SNTG1: variants seen among roughly 807,000 people sequenced by gnomAD.
The protein encoded by SNTG1 is gamma-1-syntrophin.
Under a neutral mutation model 74.7 loss-of-function variants are expected in SNTG1, and 39 were observed. That is an observed-to-expected ratio of 0.52 (90% CI 0.40 to 0.68). SNTG1 has a LOEUF of 0.68. SNTG1 is among the 30% of genes least tolerant of loss of function. The pLI is 0.00. For synonymous variants in SNTG1, 254 were observed against 217.1 expected (o/e 1.17, Z -1.49); for missense variants, 685 against 609.5 (o/e 1.12, Z -1.30).
intron 17 of SNTG1, among the ~76,000 whole-genome samples, chr8:50,722,966 A>C (rs374136705): frequency 2.0e-5 from 3 of 152,324 alleles, no homozygotes; most frequent in Non-Finnish European, 4.4e-5. Flanking sequence ...AATGTATTAC[A>C]TATTCTATTC....
chr8:50,711,323 T>C (rs1312789707), intron 17 of SNTG1, among the ~76,000 whole-genome samples: 1 of 152,166 alleles, frequency 6.6e-6, no homozygotes, highest in Non-Finnish European at 1.5e-5. Flanking sequence ...TTTTTGAATG[T>C]TTGGATTCAG....
chr8:50,138,987 A>G (rs1317029446), intron 1 of SNTG1, among the ~76,000 whole-genome samples: 1 of 152,154 alleles, frequency 6.6e-6, no homozygotes, highest in East Asian at 1.9e-4. Context: ...TAACAGAAAA[A>G]CAGTGGGAAA....
intron 1 of SNTG1, among the ~76,000 whole-genome samples, chr8:50,073,233 T>C (rs1248449941): frequency 6.6e-6 from 1 of 152,226 alleles, no homozygotes. Flanking sequence ...CTAAACCACT[T>C]GTTGTCATTT....
chr8:50,616,081 G>T (rs1038746298), intron 13 of SNTG1, among the ~76,000 whole-genome samples: 10 of 152,180 alleles, frequency 6.6e-5, no homozygotes, highest in Non-Finnish European at 1.3e-4. Context: ...GGTTTGAAGA[G>T]CCCTGCCACA....
intron 15 of SNTG1, among the ~76,000 whole-genome samples, chr8:50,688,278 A>C (rs1336142015): frequency 1.3e-5 from 2 of 152,076 alleles, no homozygotes; most frequent in Non-Finnish European, 2.9e-5. Flanking sequence ...CCATTTGTCA[A>C]TTTTGGCTTT....
In SNTG1 at chr8:49,993,405, T is replaced by G. The variant is rs376312555; in HGVS notation, c.-103+81174T>G. Among the ~76,000 whole-genome samples the G allele has an allele frequency of 4.1e-4, 63 of 152,282 alleles. 2 individuals are homozygous for G. The East Asian group carries it at 4.4e-3, about 11-fold the overall frequency. On this transcript the variant is annotated intron_variant, in intron 1 of 18. Transcript: ENST00000642720. ...GTCGTCGTTGTTGTTTTATTTTCAT[T>G]TTACTCTAAGTTCTGGGATACATGT...
intron 4 of SNTG1, among the ~76,000 whole-genome samples, chr8:50,414,563 T>C (rs963413967): frequency 1.3e-5 from 2 of 152,194 alleles, no homozygotes; most frequent in African/African-American, 2.4e-5. Context: ...TGAATCTTTA[T>C]ACTTCGTCAT....
At position 50,590,937 on chromosome 8, in the gene SNTG1, G is replaced by T. The variant is rs778018082; in HGVS notation, c.849+20G>T. The stretch of plus-strand genomic sequence containing the variant: ...CAGCAGGTAAGATCAAAGCATACTT[G>T]GAAAGCTAAATAATATATTTCTTTA... On this transcript the variant is annotated intron_variant, in intron 13 of 18. Coordinates refer to ENST00000642720, the MANE Select transcript of SNTG1 (RefSeq NM_018967.5). The T allele has an allele frequency of 6.6e-7, 1 of 1,524,264 alleles. No homozygotes were observed. Among genetic ancestry groups the T allele is most frequent in the Admixed American group, 2.0e-5 (1 of 50,400 alleles). The allele number at this position is 1,524,264 out of a possible 1,614,324, so 94.4% of individuals were successfully genotyped here.
At chr8:50,001,639 T>C (rs1331416321) in intron 1 of SNTG1, among the ~76,000 whole-genome samples, 1 of 152,160 alleles carries the variant, frequency 6.6e-6, no homozygotes, top group Non-Finnish European at 1.5e-5. Flanking sequence ...GTTGTGAAAT[T>C]AAAGCATTAA....
chr8:50,569,882 T>G (rs1227884950), intron 12 of SNTG1, among the ~76,000 whole-genome samples: 1 of 152,136 alleles, frequency 6.6e-6, no homozygotes, highest in East Asian at 1.9e-4. Flanking sequence ...AATGGGTTAG[T>G]GTGAGTGAAA....
At chr8:50,259,134 G>T (rs1457851612) in intron 2 of SNTG1, among the ~76,000 whole-genome samples, 1 of 152,120 alleles carries the variant, frequency 6.6e-6, no homozygotes, top group Non-Finnish European at 1.5e-5. Flanking sequence ...TCAGCGTAAT[G>T]ACATATTCAA....
At chr8:50,024,090 C>T (rs1463104293) in intron 1 of SNTG1, among the ~76,000 whole-genome samples, 1 of 152,136 alleles carries the variant, frequency 6.6e-6, no homozygotes, top group Non-Finnish European at 1.5e-5. Context: ...CAGGTGATGG[C>T]AATGCAGTTG....
At position 50,740,995 on chromosome 8, in the gene SNTG1, G is replaced by A. The variant is rs761691285; in HGVS notation, c.1285-11006G>A. Among the ~76,000 whole-genome samples, 3 of 152,020 alleles carry A rather than the reference G, an allele frequency of 2.0e-5. No homozygotes were observed. In the East Asian group the frequency reaches 5.8e-4, roughly 29 times the overall value. ...CATACACTGAGGCCTATCAGAGGAC[G>A]GAGGTTTGGAGAAGGGAGAAGAGCA... On this transcript the variant is annotated intron_variant, in intron 17 of 18. Transcript: ENST00000642720.
At chr8:50,536,957 T>TA (rs1157742268) in intron 11 of SNTG1, 149 bp downstream of exon 11, 2 of 1,027,796 alleles carry the variant, frequency 1.9e-6, no homozygotes, top group Non-Finnish European at 1.4e-6. Context: ...CTAACAAAGT[T>TA]AAACACTTAT....
At chr8:50,291,242 ATGTG>A (rs35700232) in intron 2 of SNTG1, among the ~76,000 whole-genome samples, 72 of 148,882 alleles carry the variant, frequency 4.8e-4, no homozygotes, top group East Asian at 1.8e-3. Flanking sequence ...AGACAGACAT[ATGTG>A]TGTGTGTGTG....
chr8:50,104,422 T>G (rs1361389765), intron 1 of SNTG1, among the ~76,000 whole-genome samples: 1 of 152,164 alleles, frequency 6.6e-6, no homozygotes, highest in Non-Finnish European at 1.5e-5. Flanking sequence ...CTTTATCATT[T>G]TTTATTGCGT....
At chr8:50,638,399 G>A (rs2095052222) in intron 13 of SNTG1, among the ~76,000 whole-genome samples, 1 of 152,016 alleles carries the variant, frequency 6.6e-6, no homozygotes, top group South Asian at 2.1e-4. Context: ...TACTAAGCCT[G>A]TAATTATTTA....
At chr8:50,120,025 T>G (rs180784722) in intron 1 of SNTG1, among the ~76,000 whole-genome samples, 1 of 141,976 alleles carries the variant, frequency 7.0e-6, no homozygotes, top group African/African-American at 2.5e-5. Context: ...CAGTAGAAGA[T>G]GAAGATGAAA....
chr8:50,341,141 T>C (rs2130936550), intron 2 of SNTG1, among the ~76,000 whole-genome samples: 1 of 152,070 alleles, frequency 6.6e-6, no homozygotes, highest in East Asian at 1.9e-4. Flanking sequence ...CAGCCTTAAA[T>C]AGAGAGGTTT....
Sources: gnomAD v4.1 joint callset for allele counts (sites outside exome capture counted in the v4.1 genomes callset) on GRCh38, gnomAD v4.1.1 for gene constraint, MANE v1.5 for transcripts, NCBI Gene and HGNC (gene_info 2026-07-23, HGNC 2026-07-21) for gene names.